MEGF11: variants seen among roughly 807,000 people sequenced by gnomAD.
MEGF11 encodes the protein multiple EGF like domains 11.
In MEGF11, 126 loss-of-function variants were observed where a neutral mutation model predicts 146.6. That is an observed-to-expected ratio of 0.86 (90% CI 0.74 to 1.00). MEGF11 has a LOEUF of 1.00. Among genes scored for constraint, MEGF11 ranks in the 50% least tolerant of loss-of-function variants. The probability of loss-of-function intolerance (pLI) is 0.00; values close to 1 mark genes in which losing one functional copy is unlikely to be tolerated. For synonymous variants in MEGF11, 532 were observed against 583.4 expected, an observed-to-expected ratio of 0.91 and a Z score of 1.27; for missense variants, 1,509 against 1,521.2, an observed-to-expected ratio of 0.99 and a Z score of 0.13.
At chr15:66,048,989 A>G (rs984513916) in intron 5 of MEGF11, among the ~76,000 whole-genome samples, 2 of 152,126 alleles carry the variant, frequency 1.3e-5, no homozygotes, top group African/African-American at 4.8e-5. Context: ...CTCAGAAGAG[A>G]CCACCAGGGG....
intron 7 of MEGF11, among the ~76,000 whole-genome samples, chr15:65,980,400 T>TA (rs1352651359): frequency 2.3e-5 from 3 of 131,452 alleles, no homozygotes; most frequent in African/African-American, 8.2e-5. Context: ...TTCAGCTTTT[T>TA]TTTTTTTTTT....
intron 13 of MEGF11, among the ~76,000 whole-genome samples, chr15:65,924,020 A>G (rs2079272505): frequency 1.3e-5 from 2 of 152,174 alleles, no homozygotes; most frequent in South Asian, 4.1e-4. Flanking sequence ...CTGAAAAATC[A>G]TGTCTGCCTT....
chr15:66,135,745 A>C (rs899584843), intron 1 of MEGF11, among the ~76,000 whole-genome samples: 1 of 151,880 alleles, frequency 6.6e-6, no homozygotes. Context: ...CAGTCTCCCA[A>C]CTCCATCCTG....
At chr15:66,063,053 C>T (rs2084970198) in intron 5 of MEGF11, among the ~76,000 whole-genome samples, 2 of 152,174 alleles carry the variant, frequency 1.3e-5, no homozygotes, top group African/African-American at 4.8e-5. Context: ...TATGTGTATT[C>T]TGAGGAGCTA....
At chr15:66,082,026 G>A (rs2085879590) in intron 5 of MEGF11, among the ~76,000 whole-genome samples, 1 of 152,122 alleles carries the variant, frequency 6.6e-6, no homozygotes. Flanking sequence ...CTTGGTCTTG[G>A]ACCTCCGAGC....
In MEGF11 at chr15:65,997,879, A is replaced by G. The variant is rs143041940; in HGVS notation, c.395-15391T>C. Among the ~76,000 whole-genome samples, 11 of 152,306 alleles carry G rather than the reference A, an allele frequency of 7.2e-5. No homozygotes were observed. In the East Asian group the frequency reaches 2.1e-3, roughly 29 times the overall value. On this transcript the variant is annotated intron_variant, in intron 5 of 25. Transcript: ENST00000395614. ...TTGGGAGGCCAGAGAGGTCGCTCTG[A>G]GAAGGTGACCCGGACACTGAGAACC...
At chr15:66,207,154 A>G (rs78592653) in intron 1 of MEGF11, among the ~76,000 whole-genome samples, 3,163 of 152,276 alleles carry the variant, frequency 0.021, 58 homozygotes, top group Non-Finnish European at 0.027. Flanking sequence ...TAATAGCTGA[A>G]AACTTCCCAA....
At chr15:65,922,538 T>C in intron 14 of MEGF11, 66 bp from the exon 15 acceptor site, 1 of 1,475,728 alleles carries the variant, frequency 6.8e-7, no homozygotes, top group Non-Finnish European at 9.0e-7. Flanking sequence ...CTACCCTTCC[T>C]GTTCCACACT....
chr15:66,247,168 T>C (rs898464069), intron 1 of MEGF11, among the ~76,000 whole-genome samples: 3 of 152,214 alleles, frequency 2.0e-5, no homozygotes, highest in African/African-American at 7.2e-5. Flanking sequence ...CTAGCTACTA[T>C]GGCTCCCATT....
intron 5 of MEGF11, among the ~76,000 whole-genome samples, chr15:66,070,888 T>G (rs2085336791): frequency 6.6e-6 from 1 of 152,108 alleles, no homozygotes; most frequent in African/African-American, 2.4e-5. Context: ...AGTCAAGCAG[T>G]TGTAGAAACC....
intron 4 of MEGF11, among the ~76,000 whole-genome samples, chr15:66,103,879 G>A (rs1257561629): frequency 2.0e-5 from 3 of 152,188 alleles, no homozygotes; most frequent in Admixed American, 6.5e-5. Flanking sequence ...CCAGACGTAG[G>A]GGCCCATTCT....
rs544997502 is a variant in MEGF11, at chr15:65,989,101, TC to T, written c.395-6614del. On this transcript the variant is annotated intron_variant, in intron 5 of 25. Coordinates refer to ENST00000395614, the MANE Select transcript of MEGF11 (RefSeq NM_001385028.1). ...TAGGGTGGTAGGGCCCAAGCATAGG[TC>T]CCTTGAAAAGCTCCCCAGGTGAGAA... Among the ~76,000 whole-genome samples the T allele has an allele frequency of 9.2e-5, 14 of 152,228 alleles. No homozygotes were observed. In the East Asian group the frequency reaches 2.7e-3, roughly 29 times the overall value.
At chr15:65,963,907 C>T (rs2080961942) in intron 9 of MEGF11, among the ~76,000 whole-genome samples, 1 of 152,200 alleles carries the variant, frequency 6.6e-6, no homozygotes, top group Admixed American at 6.5e-5. Context: ...GAAGAGGGGC[C>T]CAGGCTAAGT....
At chr15:65,935,784 C>T (rs1193393669) in intron 10 of MEGF11, among the ~76,000 whole-genome samples, 3 of 152,200 alleles carry the variant, frequency 2.0e-5, no homozygotes, top group African/African-American at 7.2e-5. Context: ...AGTACCAATG[C>T]ATACCAGGTT....
At chr15:66,032,084 C>G (rs2083542579) in intron 5 of MEGF11, among the ~76,000 whole-genome samples, 1 of 152,186 alleles carries the variant, frequency 6.6e-6, no homozygotes, top group African/African-American at 2.4e-5. Flanking sequence ...GCCTGATGAT[C>G]TGGCATAGAA....
chr15:65,966,959 G>A (rs1219065580), intron 8 of MEGF11: 1 of 151,980 alleles, frequency 6.6e-6, no homozygotes, highest in Non-Finnish European at 1.5e-5. Context: ...GGGTAAAAGA[G>A]GGGGATGACT....
chr15:66,110,843 C>G (rs2087355965), intron 4 of MEGF11, among the ~76,000 whole-genome samples: 1 of 152,124 alleles, frequency 6.6e-6, no homozygotes, highest in African/African-American at 2.4e-5. Context: ...TTCCTCCACC[C>G]CCCATGCCCT....
chr15:65,990,180 C>T lies in MEGF11; in HGVS notation c.395-7692G>A, dbSNP rs201833428. Among the ~76,000 whole-genome samples, 40 of 152,188 alleles carry T rather than the reference C, an allele frequency of 2.6e-4. No individual in the cohort carries two copies. The East Asian group carries it at 6.0e-3, about 23-fold the overall frequency. Reference sequence around the variant, plus strand: ...GAGCTATGACTGTACCACTGCTCTCCAGCTGTGCAACAGAGACTCTGTCTC... The same window carrying T: ...GAGCTATGACTGTACCACTGCTCTCTAGCTGTGCAACAGAGACTCTGTCTC... On this transcript the variant is annotated intron_variant, in intron 5 of 25. Transcript: ENST00000395614.
chr15:66,226,454 G>A (rs946589935), intron 1 of MEGF11, among the ~76,000 whole-genome samples: 7 of 151,950 alleles, frequency 4.6e-5, no homozygotes, highest in African/African-American at 1.5e-4. Context: ...CACCATGTTG[G>A]CCAGTCTGGT....
Sources: gnomAD v4.1 joint callset for allele counts (sites outside exome capture counted in the v4.1 genomes callset) on GRCh38, gnomAD v4.1.1 for gene constraint, MANE v1.5 for transcripts, NCBI Gene and HGNC (gene_info 2026-07-23, HGNC 2026-07-21) for gene names.